The following INTS7 variants were observed in gnomAD, a reference collection of about 807,000 sequenced individuals.
INTS7 encodes the protein chromosome 1 open reading frame 73.
Under a neutral mutation model 109.2 loss-of-function variants are expected in INTS7, and 46 were observed. The observed-to-expected ratio is 0.42, with a 90% CI of 0.33 to 0.54. The LOEUF (loss-of-function observed/expected upper bound fraction) is 0.54, where lower values mean the gene tolerates loss of function less well. INTS7 is among the 20% of genes least tolerant of loss of function. The pLI, the probability that INTS7 is intolerant of heterozygous loss-of-function variation, is 0.07. For missense variants in INTS7, 929 were observed against 1,132.4 expected (o/e 0.82, Z 2.58); for synonymous variants, 412 against 402.9 (o/e 1.02, Z -0.27).
chr1:211,960,711 G>A (rs114299615), intron 16 of INTS7, among the ~76,000 whole-genome samples: 1,663 of 152,284 alleles, frequency 0.011, 29 homozygotes, highest in African/African-American at 0.037. Flanking sequence ...AAGAATCACA[G>A]AGCTTGAAGA....
intron 10 of INTS7, 96 bp from the exon 11 acceptor site, chr1:211,978,607 G>A: frequency 7.3e-7 from 1 of 1,362,204 alleles, no homozygotes; most frequent in Non-Finnish European, 1.0e-6. Flanking sequence ...GGAAACTCAA[G>A]GGTGAGGTTT....
rs3010007 is a variant in INTS7, at chr1:211,968,713, A to G, written c.1816-6T>C. 0.27 allele frequency: 48,794 copies of G among 179,748 alleles called. 336 individuals are homozygous for G. Among genetic ancestry groups the G allele is most frequent in the South Asian group, 0.35 (3,517 of 10,142 alleles). 11.1% of individuals were successfully genotyped at this position (179,748 alleles called of 1,614,324 possible). On this transcript the variant is annotated splice_region_variant and splice_polypyrimidine_tract_variant and intron_variant, in intron 13 of 19. Transcript: ENST00000366994. ...TTCAGTGGTGTACTAGCTGCCTGGG[A>G]AAAAAAAAAAAAAGAGATATTTAAG...
At chr1:211,980,876 G>A (rs1664631935) in intron 10 of INTS7, among the ~76,000 whole-genome samples, 2 of 152,148 alleles carry the variant, frequency 1.3e-5, no homozygotes, top group Non-Finnish European at 2.9e-5. Context: ...GAACGCTTAT[G>A]TTAAATTAAT....
chr1:212,007,436 T>C lies in INTS7; in HGVS notation c.570A>G (p.Pro190=), dbSNP rs767229060. ...GTATCAATTTTAGCTTCAAGTCTAC[T>C]GGTGTCGCTAAACCTAGACACAAAA... ...ISEMIQGLAT[P]VDLKLKLIPI... The change falls in exon 6 of 20, where the codon CCA becomes CCG. Residue 190 remains proline (P), a synonymous_variant. Coordinates refer to ENST00000366994, the MANE Select transcript of INTS7 (RefSeq NM_015434.4). 2.5e-5 allele frequency: 40 copies of C among 1,612,388 alleles called. No homozygotes were observed. In the Admixed American group the frequency reaches 4.8e-4, roughly 19 times the overall value.
intron 7 of INTS7, among the ~76,000 whole-genome samples, chr1:211,990,444 A>T (rs572622920): frequency 1.2e-4 from 18 of 152,334 alleles, no homozygotes; most frequent in African/African-American, 4.1e-4. Context: ...TTTAGGAAGG[A>T]TACATAAGAA....
chr1:212,034,665 C>T (rs1667338570), intron 1 of INTS7, among the ~76,000 whole-genome samples: 1 of 152,166 alleles, frequency 6.6e-6, no homozygotes, highest in African/African-American at 2.4e-5. Flanking sequence ...ACCATTAAGT[C>T]ACTTAATACA....
intron 16 of INTS7, 107 bp from the exon 17 acceptor site, chr1:211,952,808 G>T: frequency 9.3e-7 from 1 of 1,077,298 alleles, no homozygotes; most frequent in Non-Finnish European, 1.3e-6. Context: ...TTAAAATAAT[G>T]AAGTTATTTC....
chr1:211,994,864 T>C (rs1665311004), intron 7 of INTS7, among the ~76,000 whole-genome samples: 1 of 132,228 alleles, frequency 7.6e-6, no homozygotes, highest in South Asian at 2.5e-4. Context: ...TATGGTATAA[T>C]GAAGAAATAA....
intron 6 of INTS7, 63 bp downstream of exon 6, chr1:212,007,187 C>T: frequency 1.7e-6 from 2 of 1,154,194 alleles, no homozygotes; most frequent in Non-Finnish European, 2.5e-6. Flanking sequence ...TTTCTTATTT[C>T]TAATCATATA....
At chr1:212,009,760 G>A (rs1309139953) in intron 5 of INTS7, among the ~76,000 whole-genome samples, 7 of 151,956 alleles carry the variant, frequency 4.6e-5, no homozygotes, top group African/African-American at 1.5e-4. Flanking sequence ...GATGCAGCAG[G>A]CACTGATAAA....
chr1:212,015,612 T>C (rs1452934261), intron 4 of INTS7, among the ~76,000 whole-genome samples: 3 of 146,982 alleles, frequency 2.0e-5, no homozygotes, highest in Non-Finnish European at 4.5e-5. Flanking sequence ...CACAGACCCT[T>C]GTTCACATGT....
rs539015787 is a variant in INTS7, at chr1:212,009,318, T to C, written c.557-1869A>G. Among the ~76,000 whole-genome samples, 6 of 152,314 alleles carry C rather than the reference T, an allele frequency of 3.9e-5. No individual in the cohort carries two copies. The South Asian group carries it at 1.2e-3, about 32-fold the overall frequency. Reference sequence around the variant, plus strand: ...GTGTACAGATTAATGTATTTCTACATATGTATATTCTCATATAACTGTCAT... The same window carrying C: ...GTGTACAGATTAATGTATTTCTACACATGTATATTCTCATATAACTGTCAT... On this transcript the variant is annotated intron_variant, in intron 5 of 19. Coordinates refer to ENST00000366994, the MANE Select transcript of INTS7 (RefSeq NM_015434.4).
chr1:211,968,411 G>T, intron 14 of INTS7, 102 bp downstream of exon 14: 2 of 949,644 alleles, frequency 2.1e-6, no homozygotes, highest in Non-Finnish European at 3.2e-6. Flanking sequence ...TTATGATAAT[G>T]TCTGAGTCAA....
intron 5 of INTS7, among the ~76,000 whole-genome samples, chr1:212,008,907 C>T (rs564676344): frequency 6.6e-6 from 1 of 152,298 alleles, no homozygotes; most frequent in African/African-American, 2.4e-5. Flanking sequence ...TTTCCACTAC[C>T]ATCTCTTGAC....
chr1:211,985,629 G>T (rs1026078334), intron 8 of INTS7, among the ~76,000 whole-genome samples: 1 of 152,212 alleles, frequency 6.6e-6, no homozygotes, highest in African/African-American at 2.4e-5. Context: ...TATTGTGCAT[G>T]TAAGTCAGTT....
chr1:211,963,835 A>G (rs1218706800), intron 16 of INTS7, among the ~76,000 whole-genome samples: 1 of 152,210 alleles, frequency 6.6e-6, no homozygotes, highest in Non-Finnish European at 1.5e-5. Flanking sequence ...AATTGAAGAA[A>G]CATACCTCAA....
chr1:211,945,150 A>T (rs1408054305), intron 18 of INTS7, among the ~76,000 whole-genome samples, 181 bp from the exon 19 acceptor site: 1 of 152,192 alleles, frequency 6.6e-6, no homozygotes, highest in Non-Finnish European at 1.5e-5. Flanking sequence ...CTCCTTCTAA[A>T]CATCACTGTG....
chr1:212,023,520 CAT>C (rs1219471393), intron 1 of INTS7, among the ~76,000 whole-genome samples: 5 of 152,096 alleles, frequency 3.3e-5, no homozygotes, highest in Middle Eastern at 6.8e-3. Flanking sequence ...GCATTTTTTT[CAT>C]GTTTGTTGAC....
intron 7 of INTS7, among the ~76,000 whole-genome samples, chr1:211,988,963 C>T (rs761767583): frequency 6.6e-6 from 1 of 152,118 alleles, no homozygotes; most frequent in Non-Finnish European, 1.5e-5. Flanking sequence ...GTGACTCTTG[C>T]CTTATCCTTT....
Sources: gnomAD v4.1 joint callset for allele counts (sites outside exome capture counted in the v4.1 genomes callset) on GRCh38, gnomAD v4.1.1 for gene constraint, MANE v1.5 for transcripts, NCBI Gene and HGNC (gene_info 2026-07-23, HGNC 2026-07-21) for gene names.